The following SMIM36 variants were observed in gnomAD, a reference collection of about 807,000 sequenced individuals.
SMIM36 encodes the protein small integral membrane protein 36.
chr17:55,523,325 A>T, the SMIM36 span, among the ~76,000 whole-genome samples: 4 of 151,978 alleles, frequency 2.6e-5, no homozygotes, highest in Non-Finnish European at 5.9e-5. Context: ...ATGTCGGGAG[A>T]TCGAGACCTT....
intron 1 of SMIM36, among the ~76,000 whole-genome samples, chr17:55,488,503 T>C (rs1426976089): frequency 6.6e-6 from 1 of 152,208 alleles, no homozygotes; most frequent in Non-Finnish European, 1.5e-5. Context: ...ATATGTACAT[T>C]ATACTTTTTG....
rs990565076 is a variant in SMIM36 at position 55,466,494 on chromosome 17, C to T, written c.*531+651G>A. The stretch of plus-strand genomic sequence containing the variant: ...GGACAAAAGAAGTTACAAATAATCA[C>T]ATTCTGAAAAGTTGAGCTAAATGAT... On this transcript the variant is annotated intron_variant, in intron 4 of 4. Coordinates refer to ENST00000636752, the Ensembl canonical transcript of SMIM36. Among the ~76,000 whole-genome samples the T allele has an allele frequency of 2.6e-5, 4 of 152,104 alleles. No homozygotes were observed. The East Asian group carries it at 7.7e-4, about 29-fold the overall frequency.
In SMIM36 at chr17:55,465,353, G is replaced by A. The variant is rs1284678869; in HGVS notation, c.*531+1792C>T. Among the ~76,000 whole-genome samples the A allele has an allele frequency of 2.0e-5, 3 of 152,088 alleles. No individual in the cohort carries two copies. The East Asian group carries it at 5.8e-4, about 29-fold the overall frequency. On this transcript the variant is annotated intron_variant, in intron 4 of 4. Transcript: ENST00000636752. ...TGTCTATGTAATGGAAATAATAATA[G>A]TATCTATTTCATGGATTATGCCAAG... is the stretch of plus-strand genomic sequence containing the variant.
intron 4 of SMIM36, among the ~76,000 whole-genome samples, chr17:55,462,206 TAA>T: frequency 6.6e-6 from 1 of 150,754 alleles, no homozygotes; most frequent in Non-Finnish European, 1.5e-5. Flanking sequence ...ATATAAGTAT[TAA>T]GTTAATTAAT....
intron 4 of SMIM36, among the ~76,000 whole-genome samples, chr17:55,465,846 T>C (rs995606591): frequency 3.3e-5 from 5 of 152,108 alleles, no homozygotes; most frequent in South Asian, 2.1e-4. Context: ...ATAAGGTCCT[T>C]AGATGGTTTT....
chr17:55,501,445 ATATAATATATTATTATATATTATATTT>A (rs1172692018), intron 1 of SMIM36, among the ~76,000 whole-genome samples: 1,221 of 41,666 alleles, frequency 0.029, 73 homozygotes, highest in East Asian at 0.28. Context: ...ATATTATAAA[ATATAATATATTATTATATATTATATTT>A]TATAATTATT....
chr17:55,515,052 A>G (rs973659079), upstream of SMIM36, among the ~76,000 whole-genome samples: 5 of 148,826 alleles, frequency 3.4e-5, no homozygotes, highest in South Asian at 2.1e-4. Context: ...CAGAAGCAAG[A>G]CATTAAAGCA....
chr17:55,453,934 C>A (rs1221474391), intron 4 of SMIM36: 5 of 152,192 alleles, frequency 3.3e-5, no homozygotes, highest in Non-Finnish European at 2.9e-5. Flanking sequence ...ACCTGCATGG[C>A]AGCATGGGAA....
intron 1 of SMIM36, among the ~76,000 whole-genome samples, chr17:55,488,302 T>A (rs1193895430): frequency 1.3e-5 from 2 of 152,206 alleles, no homozygotes; most frequent in African/African-American, 4.8e-5. Flanking sequence ...CTGCAGTCTG[T>A]TAGCGTGGAG....
chr17:55,516,725 A>AT, the SMIM36 span, among the ~76,000 whole-genome samples: 5 of 151,816 alleles, frequency 3.3e-5, no homozygotes, highest in Non-Finnish European at 5.9e-5. Flanking sequence ...CGCCCGGCTA[A>AT]TTTTTTGTAG....
intron 4 of SMIM36, chr17:55,454,049 G>A (rs1290167323): frequency 3.3e-5 from 5 of 152,182 alleles, no homozygotes; most frequent in South Asian, 2.1e-4. Flanking sequence ...TCTCTCCAGC[G>A]GAAGGGTCAT....
chr17:55,501,887 C>T (rs1023810431), intron 1 of SMIM36, among the ~76,000 whole-genome samples: 4 of 100,362 alleles, frequency 4.0e-5, no homozygotes, highest in South Asian at 3.1e-4. Flanking sequence ...GTGCGCGAGC[C>T]GAAGCAAGGC....
chr17:55,483,486 C>T (rs991473356), intron 1 of SMIM36, among the ~76,000 whole-genome samples: 6 of 152,166 alleles, frequency 3.9e-5, no homozygotes, highest in African/African-American at 1.4e-4. Context: ...AGATGACCCT[C>T]CATCATGTGG....
At chr17:55,523,731 T>G in the SMIM36 span, among the ~76,000 whole-genome samples, 1 of 152,144 alleles carries the variant, frequency 6.6e-6, no homozygotes, top group Non-Finnish European at 1.5e-5. Flanking sequence ...CTCGGCCGAC[T>G]AATACATCCA....
intron 4 of SMIM36, among the ~76,000 whole-genome samples, chr17:55,455,475 C>T (rs547376167): frequency 1.3e-3 from 191 of 152,064 alleles, no homozygotes; most frequent in African/African-American, 4.4e-3. Context: ...CTTAGCCTTC[C>T]GTAATCGCTT....
the SMIM36 span, among the ~76,000 whole-genome samples, chr17:55,531,138 G>A: frequency 1.3e-5 from 2 of 152,048 alleles, no homozygotes; most frequent in South Asian, 4.1e-4. Flanking sequence ...GGCTCTCCAT[G>A]GTTATTAAAG....
chr17:55,525,094 C>T, the SMIM36 span, among the ~76,000 whole-genome samples: 1 of 152,330 alleles, frequency 6.6e-6, no homozygotes, highest in South Asian at 2.1e-4. Context: ...ATGGAGCCTG[C>T]ACCTGTAACT....
chr17:55,486,040 CT>C (rs11356976), intron 1 of SMIM36, among the ~76,000 whole-genome samples: 74,936 of 135,372 alleles, frequency 0.55, 20,377 homozygotes, highest in East Asian at 0.72. Flanking sequence ...TTCCTTTATT[CT>C]TTTTTTTTTT....
At chr17:55,526,690 C>T in the SMIM36 span, among the ~76,000 whole-genome samples, 1 of 152,162 alleles carries the variant, frequency 6.6e-6, no homozygotes, top group Non-Finnish European at 1.5e-5. Context: ...GGAGTTTTCT[C>T]ATTTTCCACT....
Sources: allele counts gnomAD v4.1 joint callset (sites outside exome capture counted in the v4.1 genomes callset), GRCh38; gene constraint gnomAD v4.1.1; transcripts MANE v1.5; gene names NCBI Gene and HGNC (gene_info 2026-07-23, HGNC 2026-07-21).